MYRIP: variants seen among roughly 807,000 people sequenced by gnomAD.
MYRIP encodes rab effector MyRIP.
MYRIP carries 49 observed loss-of-function variants against 98.0 expected under a neutral mutation model. The ratio of observed to expected loss-of-function variants is 0.50; its 90% CI spans 0.40 to 0.63. The LOEUF is 0.63. MYRIP is among the 30% of genes least tolerant of loss of function. MYRIP has a pLI of 0.00. For synonymous variants in MYRIP, 404 were observed against 409.5 expected (o/e 0.99, Z 0.16); for missense variants, 1,004 against 1,058.2 (o/e 0.95, Z 0.71).
intron 8 of MYRIP, among the ~76,000 whole-genome samples, chr3:40,171,748 A>G (rs1714411): frequency 0.93 from 141,921 of 152,316 alleles, 66,332 homozygotes; most frequent in East Asian, 0.97. Context: ...TTCCTTGTGC[A>G]GCCAACACAG....
intron 1 of MYRIP, among the ~76,000 whole-genome samples, chr3:39,888,693 C>T (rs1194650131): frequency 4.6e-5 from 7 of 152,120 alleles, no homozygotes; most frequent in African/African-American, 1.7e-4. Flanking sequence ...TCTAATTAAA[C>T]TAAAGAACTT....
chr3:39,981,506 A>G (rs1008887340), intron 2 of MYRIP, among the ~76,000 whole-genome samples: 2 of 152,162 alleles, frequency 1.3e-5, no homozygotes, highest in African/African-American at 4.8e-5. Flanking sequence ...TACAGCAAAT[A>G]TGGGGAGGTC....
intron 3 of MYRIP, among the ~76,000 whole-genome samples, chr3:40,066,058 C>T (rs1342249757): frequency 2.0e-5 from 3 of 152,192 alleles, no homozygotes; most frequent in Non-Finnish European, 4.4e-5. Context: ...AAGGACCCCA[C>T]ACCTTCTGCA....
At chr3:39,971,831 A>C (rs1945590847) in intron 2 of MYRIP, among the ~76,000 whole-genome samples, 1 of 152,106 alleles carries the variant, frequency 6.6e-6, no homozygotes, top group South Asian at 2.1e-4. Flanking sequence ...TGGGAATAAA[A>C]CCAGGTTGGA....
intron 2 of MYRIP, among the ~76,000 whole-genome samples, chr3:39,984,382 C>A (rs922184813): frequency 1.3e-5 from 2 of 152,098 alleles, no homozygotes; most frequent in Admixed American, 6.6e-5. Context: ...CGCCCTCCCC[C>A]CATCCCACAA....
chr3:40,252,704 T>G (rs1953414514), intron 16 of MYRIP, among the ~76,000 whole-genome samples: 2 of 152,204 alleles, frequency 1.3e-5, no homozygotes, highest in Admixed American at 1.3e-4. Flanking sequence ...AGTGGGAAGA[T>G]GCATGAGTAG....
intron 11 of MYRIP, among the ~76,000 whole-genome samples, chr3:40,226,434 C>G (rs562583532): frequency 1.3e-5 from 2 of 152,274 alleles, no homozygotes; most frequent in East Asian, 3.9e-4. Context: ...ACTATGGCTG[C>G]CCCACCTCAG....
chr3:40,139,155 TTCTTTTTTATGGC>T (rs1294895699), intron 3 of MYRIP, among the ~76,000 whole-genome samples: 1 of 152,260 alleles, frequency 6.6e-6, no homozygotes, highest in African/African-American at 2.4e-5. Context: ...CAGAATTTCA[TTCTTTTTTATGGC>T]TGACTGGTAT....
chr3:39,933,261 T>C (rs1480609394), intron 2 of MYRIP, among the ~76,000 whole-genome samples: 1 of 152,166 alleles, frequency 6.6e-6, no homozygotes, highest in Non-Finnish European at 1.5e-5. Flanking sequence ...CTTGTTTATG[T>C]TTTATCTATG....
intron 2 of MYRIP, among the ~76,000 whole-genome samples, chr3:39,986,688 T>C (rs1946040146): frequency 2.0e-5 from 3 of 152,252 alleles, no homozygotes; most frequent in South Asian, 2.1e-4. Context: ...TGCTCTTATC[T>C]CTGGAGAACT....
intron 1 of MYRIP, among the ~76,000 whole-genome samples, chr3:39,835,216 A>T (rs766440147): frequency 2.6e-5 from 4 of 152,380 alleles, no homozygotes; most frequent in Non-Finnish European, 5.9e-5. Context: ...GGAAGCACAG[A>T]TAGAAAGTCC....
chr3:40,127,991 G>A (rs1949556027), intron 3 of MYRIP, among the ~76,000 whole-genome samples: 1 of 152,126 alleles, frequency 6.6e-6, no homozygotes, highest in Non-Finnish European at 1.5e-5. Context: ...ATAACCAATT[G>A]TCTATATTAG....
In MYRIP at chr3:39,905,577, C is replaced by T. The variant is rs114845690; in HGVS notation, c.110+4651C>T. ...ACAGTGCAACATTCAAATAGTGTCC[C>T]TGTCTTTACCTCTTTACCTCCTTCT... is the stretch of plus-strand genomic sequence containing the variant. On this transcript the variant is annotated intron_variant, in intron 2 of 16. Transcript: ENST00000302541. 9.2e-3 allele frequency among the ~76,000 whole-genome samples: 1,398 copies of T among 152,222 alleles called. 27 individuals carry two copies. Among genetic ancestry groups the T allele is most frequent in the African/African-American group, 0.032 (1,323 of 41,536 alleles).
chr3:40,038,291 G>T (rs998626269), intron 2 of MYRIP, among the ~76,000 whole-genome samples: 1 of 152,038 alleles, frequency 6.6e-6, no homozygotes, highest in Non-Finnish European at 1.5e-5. Context: ...TAAATGCATA[G>T]ATTAGGAAAG....
intron 2 of MYRIP, chr3:39,970,290 A>G (rs1330305466): frequency 6.6e-6 from 1 of 152,128 alleles, no homozygotes; most frequent in Non-Finnish European, 1.5e-5. Flanking sequence ...AATACAATAG[A>G]TAGCATTCAA....
chr3:40,111,096 C>T (rs1413187310), intron 3 of MYRIP, among the ~76,000 whole-genome samples: 4 of 152,156 alleles, frequency 2.6e-5, no homozygotes, highest in East Asian at 1.9e-4. Flanking sequence ...AGGGTCCCCC[C>T]AGAAGGCAGT....
intron 1 of MYRIP, among the ~76,000 whole-genome samples, chr3:39,858,457 C>A (rs1373877092): frequency 1.3e-5 from 2 of 152,082 alleles, no homozygotes; most frequent in Admixed American, 1.3e-4. Context: ...ATTTTAATAT[C>A]CCACTTTCAA....
At chr3:39,892,041 A>G (rs1252709844) in intron 1 of MYRIP, among the ~76,000 whole-genome samples, 5 of 152,104 alleles carry the variant, frequency 3.3e-5, no homozygotes, top group African/African-American at 1.2e-4. Flanking sequence ...GTCTTCCTCT[A>G]GAAAGCTTCT....
At chr3:40,187,647 C>T (rs930953423) in intron 9 of MYRIP, among the ~76,000 whole-genome samples, 10 of 152,196 alleles carry the variant, frequency 6.6e-5, no homozygotes, top group African/African-American at 2.4e-4. Flanking sequence ...TTCCACTGCA[C>T]AAACTGGCTC....
Sources: gnomAD v4.1 joint callset for allele counts (sites outside exome capture counted in the v4.1 genomes callset) on GRCh38, gnomAD v4.1.1 for gene constraint, MANE v1.5 for transcripts, NCBI Gene and HGNC (gene_info 2026-07-23, HGNC 2026-07-21) for gene names.